SYT14: variants seen among roughly 807,000 people sequenced by gnomAD.
SYT14 encodes the protein synaptotagmin 14.
In SYT14, 32 loss-of-function variants were observed where a neutral mutation model predicts 74.2. The observed-to-expected ratio is 0.43, with a 90% CI of 0.33 to 0.58. SYT14 has a LOEUF of 0.58. Among genes scored for constraint, SYT14 ranks in the 20% least tolerant of loss-of-function variants. SYT14 has a pLI of 0.05. For synonymous variants in SYT14, 298 were observed against 337.7 expected (o/e 0.88, Z 1.29); for missense variants, 791 against 981.8 (o/e 0.81, Z 2.60).
intron 5 of SYT14, among the ~76,000 whole-genome samples, chr1:210,060,440 A>T (rs907742014): frequency 2.6e-5 from 4 of 152,124 alleles, no homozygotes; most frequent in Non-Finnish European, 5.9e-5. Flanking sequence ...TAGTTCTTTT[A>T]TATAGCTACT....
chr1:209,955,567 A>G (rs935756906), intron 2 of SYT14, among the ~76,000 whole-genome samples: 3 of 152,102 alleles, frequency 2.0e-5, no homozygotes, highest in African/African-American at 7.2e-5. Context: ...TAGTTTTCTA[A>G]CTGGTTTCCC....
intron 1 of SYT14, among the ~76,000 whole-genome samples, chr1:209,948,543 C>T (rs1254163902): frequency 6.6e-6 from 1 of 152,178 alleles, no homozygotes; most frequent in Admixed American, 6.5e-5. Context: ...ATTTCAAAAG[C>T]AATGCTAGTA....
intron 8 of SYT14, among the ~76,000 whole-genome samples, chr1:210,158,457 AT>A (rs1009020580): frequency 2.6e-5 from 4 of 152,152 alleles, no homozygotes; most frequent in African/African-American, 9.7e-5. Flanking sequence ...AATTTACTAC[AT>A]TTTTTTGACA....
intron 7 of SYT14, among the ~76,000 whole-genome samples, chr1:210,144,477 A>G (rs2082988319): frequency 1.3e-5 from 2 of 152,080 alleles, no homozygotes; most frequent in East Asian, 1.9e-4. Flanking sequence ...TCTGACTGCA[A>G]AGTTTCCTTT....
chr1:210,091,994 G>A (rs1173697035), intron 5 of SYT14, among the ~76,000 whole-genome samples: 2 of 152,070 alleles, frequency 1.3e-5, no homozygotes, highest in African/African-American at 4.8e-5. Flanking sequence ...CACTTACGTT[G>A]GAAAATTTTT....
intron 2 of SYT14, among the ~76,000 whole-genome samples, chr1:209,971,931 G>C (rs1015063604): frequency 1.3e-5 from 2 of 152,140 alleles, no homozygotes; most frequent in East Asian, 3.9e-4. Flanking sequence ...CCTCCTCCTT[G>C]TTTTTCTGGA....
At chr1:210,158,026 T>G (rs1260966805) in intron 8 of SYT14, among the ~76,000 whole-genome samples, 2 of 152,288 alleles carry the variant, frequency 1.3e-5, no homozygotes, top group East Asian at 3.9e-4. Flanking sequence ...CTAAGTCTGT[T>G]TCTTTATAGG....
intron 2 of SYT14, among the ~76,000 whole-genome samples, chr1:210,004,102 GTATTA>G (rs1054734312): frequency 6.6e-6 from 1 of 151,820 alleles, no homozygotes; most frequent in African/African-American, 2.4e-5. Flanking sequence ...TGTTTGACTC[GTATTA>G]TATTATTTTA....
At position 210,059,451 on chromosome 1, in the gene SYT14, T is replaced by TATATATATAG. The variant is rs377050610; in HGVS notation, c.1313-34870_1313-34869insTATATATAGA. On this transcript the variant is annotated intron_variant, in intron 5 of 9. Coordinates refer to ENST00000637265, the Ensembl canonical transcript of SYT14. Reference sequence around the variant, plus strand: ...GAATATATATATATATATATATATATAGAGAGAGAGAGAGAGAGAGAGAGA... The same window carrying TATATATATAG: ...GAATATATATATATATATATATATATATATATATAGAGAGAGAGAGAGAGAGAGAGAGAGA... Among the ~76,000 whole-genome samples, 218 of 69,894 alleles carry TATATATATAG rather than the reference T, an allele frequency of 3.1e-3. 1 individual carries two copies. Among genetic ancestry groups the TATATATATAG allele is most frequent in the African/African-American group, 5.0e-3 (64 of 12,742 alleles). The allele number at this position is 69,894 out of a possible 152,430, so 45.9% of individuals were successfully genotyped here.
intron 7 of SYT14, among the ~76,000 whole-genome samples, chr1:210,102,107 CTTTTA>C (rs1278553577): frequency 6.6e-6 from 1 of 151,932 alleles, no homozygotes; most frequent in African/African-American, 2.4e-5. Flanking sequence ...TTTTTTTTAA[CTTTTA>C]TTTTAAGTTC....
At chr1:210,112,829 A>G (rs2082288915) in intron 7 of SYT14, among the ~76,000 whole-genome samples, 1 of 151,326 alleles carries the variant, frequency 6.6e-6, no homozygotes, top group Admixed American at 6.6e-5. Context: ...TGGAAGGCAT[A>G]TTTAGAGTCA....
At chr1:210,125,175 A>G (rs572821363) in intron 7 of SYT14, among the ~76,000 whole-genome samples, 32 of 152,148 alleles carry the variant, frequency 2.1e-4, no homozygotes, top group African/African-American at 7.5e-4. Context: ...AGTAGTGAGC[A>G]TAGTACCCAA....
At position 210,000,613 on chromosome 1, in the gene SYT14, C is replaced by CTTTTT. The variant is rs71146203; in HGVS notation, c.-485-13005_-485-13001dup. 2.5e-4 allele frequency among the ~76,000 whole-genome samples: 26 copies of CTTTTT among 105,442 alleles called. 3 individuals are homozygous for CTTTTT. Among genetic ancestry groups the CTTTTT allele is most frequent in the African/African-American group, 9.4e-4 (25 of 26,482 alleles). The allele number at this position is 105,442 out of a possible 152,430, so 69.2% of individuals were successfully genotyped here. A position where few individuals can be genotyped will look rare whatever the true frequency, so the allele number is the denominator to read the frequency against. On this transcript the variant is annotated intron_variant, in intron 2 of 9. Transcript: ENST00000637265. ...TTTCATTAGGGCTGTTTTATGCCTT[C>CTTTTT]TTTTTTTTTTTTTTTTTTTGAGATA...
At chr1:210,073,210 C>T (rs1170792608) in intron 5 of SYT14, among the ~76,000 whole-genome samples, 1 of 151,836 alleles carries the variant, frequency 6.6e-6, no homozygotes, top group Admixed American at 6.6e-5. Flanking sequence ...ATGGTCAAAA[C>T]ATTAATGCAA....
chr1:209,977,417 T>C (rs577407954), intron 2 of SYT14, among the ~76,000 whole-genome samples: 1 of 152,326 alleles, frequency 6.6e-6, no homozygotes, highest in East Asian at 1.9e-4. Flanking sequence ...ACAAAATCTC[T>C]CACCGTTTGC....
intron 1 of SYT14, among the ~76,000 whole-genome samples, chr1:209,939,454 C>A (rs1312303594): frequency 6.6e-6 from 1 of 152,214 alleles, no homozygotes; most frequent in Non-Finnish European, 1.5e-5. Flanking sequence ...TGTGTGTTTA[C>A]ATGTAGCTTA....
intron 5 of SYT14, among the ~76,000 whole-genome samples, chr1:210,037,750 A>G (rs562258587): frequency 5.3e-5 from 8 of 152,134 alleles, no homozygotes; most frequent in Admixed American, 2.6e-4. Flanking sequence ...AGTTTTGAGC[A>G]TTCCTCATGG....
chr1:209,976,030 C>T lies in SYT14; in HGVS notation c.-486+23274C>T, dbSNP rs1035795085. Among the ~76,000 whole-genome samples, 196 of 152,146 alleles carry T rather than the reference C, an allele frequency of 1.3e-3. 1 individual carries two copies. Among genetic ancestry groups the T allele is most frequent in the Non-Finnish European group, 2.1e-3 (140 of 68,030 alleles). On this transcript the variant is annotated intron_variant, in intron 2 of 9. Transcript: ENST00000637265. ...TATTCTCTGATGGTAATTTGTATTT[C>T]TGTGGGATTGGTGGTGATATCCCCT...
At chr1:210,133,063 A>G (rs1448374030) in intron 7 of SYT14, among the ~76,000 whole-genome samples, 1 of 152,224 alleles carries the variant, frequency 6.6e-6, no homozygotes, top group Admixed American at 6.5e-5. Context: ...TCTATAAGCC[A>G]GCTGGAGGAT....
Sources: gnomAD v4.1 joint callset for allele counts (sites outside exome capture counted in the v4.1 genomes callset) on GRCh38, gnomAD v4.1.1 for gene constraint, MANE v1.5 for transcripts, NCBI Gene and HGNC (gene_info 2026-07-23, HGNC 2026-07-21) for gene names.